Variants in NOS2 observed in about 807,000 individuals in gnomAD.
NOS2 encodes the protein nitric oxide synthase 2, also known as nitric oxide synthase, inducible.
A neutral mutation model predicts 136.0 loss-of-function variants in NOS2; 96 were observed. The observed-to-expected ratio is 0.71, with a 90% confidence interval of 0.60 to 0.84. The LOEUF (loss-of-function observed/expected upper bound fraction) is 0.84, where lower values mean the gene tolerates loss of function less well. NOS2 is among the 40% of genes least tolerant of loss of function. NOS2 has a pLI of 0.00. For missense variants in NOS2, 1,237 were observed against 1,496.9 expected (o/e 0.83, Z 2.87); for synonymous variants, 539 against 587.5 (o/e 0.92, Z 1.20).
chr17:27,772,763 C>T (rs753994011), intron 13 of NOS2, among the ~76,000 whole-genome samples: 145 of 152,202 alleles, frequency 9.5e-4, no homozygotes, highest in Non-Finnish European at 1.7e-3. Flanking sequence ...GGCTGGGTGC[C>T]GTGGCTCACA....
intron 19 of NOS2, among the ~76,000 whole-genome samples, 195 bp from the exon 20 acceptor site, chr17:27,765,911 C>T (rs898685087): frequency 1.3e-5 from 2 of 152,198 alleles, no homozygotes; most frequent in Non-Finnish European, 1.5e-5. Context: ...CAGGAGCTTC[C>T]CTCTGGGGAG....
intron 11 of NOS2, among the ~76,000 whole-genome samples, chr17:27,777,800 T>G (rs996722304): frequency 2.6e-5 from 4 of 151,956 alleles, no homozygotes; most frequent in African/African-American, 9.7e-5. Context: ...ATCCCAGCGC[T>G]TTGGGAGGCT....
rs748889811 is a variant in NOS2 at position 27,772,381 on chromosome 17, G to A, written c.1631C>T (p.Ala544Val). The stretch of plus-strand genomic sequence containing the variant: ...CGCCTCTGATTTTCCTGTCTCTGTC[G>A]CAAAGAGGATGGTGACTCTGACTCG... Reference protein sequence around the residue: ...ASRVRVTILFATETGKSEALA... With the variant: ...ASRVRVTILFVTETGKSEALA... Residue 544 changes from alanine (A) to valine (V), a missense_variant, in exon 14 of 27, where the codon GCG becomes GTG. Around this residue, in one of 3 missense-constraint regions of NOS2, gnomAD observed 782 missense variants for 909.9 expected, o/e 0.86. Transcript: ENST00000313735. 1.1e-5 allele frequency: 17 copies of A among 1,613,980 alleles called. 1 individual carries two copies. The highest frequency in any genetic ancestry group is 1.3e-5 in the Non-Finnish European group (15 of 1,180,028).
intron 22 of NOS2, among the ~76,000 whole-genome samples, chr17:27,762,221 T>A (rs751909059): frequency 6.6e-6 from 1 of 152,194 alleles, no homozygotes; most frequent in East Asian, 1.9e-4. Flanking sequence ...ATTATTTCTA[T>A]GCCTATCTCT....
At chr17:27,765,398 A>T in intron 20 of NOS2, 137 bp downstream of exon 20, 1 of 760,292 alleles carries the variant, frequency 1.3e-6, no homozygotes, top group Non-Finnish European at 2.1e-6. Flanking sequence ...AGCTGCTTTC[A>T]CATAAGCTTT....
intron 19 of NOS2, 113 bp downstream of exon 19, chr17:27,766,390 GCTGCTAA>G: frequency 1.1e-6 from 1 of 903,328 alleles, no homozygotes; most frequent in Non-Finnish European, 1.8e-6. Flanking sequence ...CGACAGTGTG[GCTGCTAA>G]TGCCAGCATA....
intron 11 of NOS2, among the ~76,000 whole-genome samples, chr17:27,777,842 C>T (rs1014317994): frequency 6.6e-6 from 1 of 151,976 alleles, no homozygotes; most frequent in Non-Finnish European, 1.5e-5. Context: ...GCCAGGAGTT[C>T]GGAACCAACC....
intron 2 of NOS2, chr17:27,793,762 G>C (rs1266988522): frequency 2.6e-6 from 1 of 387,204 alleles, no homozygotes; most frequent in East Asian, 3.7e-5. Flanking sequence ...TTATCGCTCG[G>C]AGCCTGCAGC....
At chr17:27,759,944 C>A in intron 25 of NOS2, 86 bp downstream of exon 25, 3 of 1,351,990 alleles carry the variant, frequency 2.2e-6, no homozygotes, top group Non-Finnish European at 3.0e-6. Flanking sequence ...GGTGAAGGCT[C>A]GGGGAGGCGA....
rs28944176 is a variant in NOS2 at position 27,765,760 on chromosome 17, C to T, written c.2247-44G>A. On this transcript the variant is annotated intron_variant, in intron 19 of 26. Coordinates refer to ENST00000313735, the MANE Select transcript of NOS2 (RefSeq NM_000625.4). ...GCCTCAGGTGACATTGCAGGATTTC[C>T]TCCAGGGCTCCTTGATGGGCAGGCG... 430 of 1,537,388 alleles carry T rather than the reference C, an allele frequency of 2.8e-4. 4 individuals are homozygous for T. In the East Asian group the frequency reaches 9.7e-3, roughly 35 times the overall value.
At position 27,778,762 on chromosome 17, in the gene NOS2, C is replaced by T. The variant is rs201958569; in HGVS notation, c.1209G>A (p.Thr403=). The stretch of plus-strand genomic sequence containing the variant: ...CTTTCCAGAGCGAGGCCAGCTTGTG[C>T]GTTTCCAGGCCCATTCTCCTGCCCA... ...EEVGRRMGLE[T]HKLASLWKDQ... The change falls in exon 11 of 27, where the codon ACG becomes ACA. Residue 403 remains threonine, a synonymous_variant. Transcript: ENST00000313735. 21 of 1,614,164 alleles carry T rather than the reference C, an allele frequency of 1.3e-5. No homozygotes were observed. Among genetic ancestry groups the T allele is most frequent in the South Asian group, 9.9e-5 (9 of 91,082 alleles).
chr17:27,788,529 C>G (rs1037726192), intron 4 of NOS2, among the ~76,000 whole-genome samples: 1 of 152,208 alleles, frequency 6.6e-6, no homozygotes, highest in Non-Finnish European at 1.5e-5. Flanking sequence ...AAAATTCTCC[C>G]TGACATTATC....
At chr17:27,792,106 C>A (rs1286358769) in intron 2 of NOS2, among the ~76,000 whole-genome samples, 4 of 152,184 alleles carry the variant, frequency 2.6e-5, no homozygotes, top group African/African-American at 7.2e-5. Context: ...TCATTTTACC[C>A]CATATATTAA....
In NOS2 at chr17:27,759,446, C is replaced by A. The variant is rs962879906; in HGVS notation, c.3160-371G>T. On this transcript the variant is annotated intron_variant, in intron 25 of 26. Coordinates refer to ENST00000313735, the MANE Select transcript of NOS2 (RefSeq NM_000625.4). ...TCTCAATGCAGTCTACCCATTAGGTCTCTGCAGGGTATGGATCCCGGGCTC... is the reference window on the plus strand; with the variant it reads ...TCTCAATGCAGTCTACCCATTAGGTATCTGCAGGGTATGGATCCCGGGCTC... Among the ~76,000 whole-genome samples, 7 of 152,250 alleles carry A rather than the reference C, an allele frequency of 4.6e-5. No individual in the cohort carries two copies. The East Asian group carries it at 1.4e-3, about 29-fold the overall frequency.
At position 27,766,260 on chromosome 17, in the gene NOS2, G is replaced by A. The variant is rs28944175; in HGVS notation, c.2246+250C>T. Among the ~76,000 whole-genome samples, 4 of 152,324 alleles carry A rather than the reference G, an allele frequency of 2.6e-5. No homozygotes were observed. The East Asian group carries it at 7.7e-4, about 29-fold the overall frequency. On this transcript the variant is annotated intron_variant, in intron 19 of 26. Transcript: ENST00000313735. ...TCTCCTTTTAGTGAAAGAGTTCAAT[G>A]AGGAAGGAGAGGAAGTGGAGCAGAT...
chr17:27,779,843 T>C (rs1908787712), intron 9 of NOS2, among the ~76,000 whole-genome samples: 1 of 152,232 alleles, frequency 6.6e-6, no homozygotes, highest in South Asian at 2.1e-4. Context: ...ATCAAATTCA[T>C]GGAATTATTA....
chr17:27,776,933 C>T (rs749879695), intron 11 of NOS2, among the ~76,000 whole-genome samples: 10 of 152,144 alleles, frequency 6.6e-5, no homozygotes, highest in African/African-American at 1.9e-4. Context: ...GTCCTGGAGA[C>T]GCTCAGGCAG....
At chr17:27,793,514 G>C (rs1314146379) in intron 2 of NOS2, 1 of 394,986 alleles carries the variant, frequency 2.5e-6, no homozygotes. Context: ...ATTTCTCCCA[G>C]AGAGAGATGG....
At chr17:27,785,243 T>G (rs1388475362) in intron 5 of NOS2, among the ~76,000 whole-genome samples, 2 of 152,160 alleles carry the variant, frequency 1.3e-5, no homozygotes, top group East Asian at 3.9e-4. Context: ...TCTCATAGTG[T>G]CATGGTGCAC....
Sources: gnomAD v4.1 joint callset for allele counts (sites outside exome capture counted in the v4.1 genomes callset) on GRCh38, gnomAD v4.1.1 for gene constraint, gnomAD v4.1.1 regional missense constraint, MANE v1.5 for transcripts, NCBI Gene and HGNC (gene_info 2026-07-23, HGNC 2026-07-21) for gene names.